The following INCA1 variants were observed in gnomAD, a reference collection of about 807,000 sequenced individuals.
INCA1 encodes the protein protein INCA1.
In INCA1, 28 loss-of-function variants were observed where a neutral mutation model predicts 25.7. That is an observed-to-expected ratio of 1.09 (90% CI 0.81 to 1.49). The LOEUF (loss-of-function observed/expected upper bound fraction) is 1.49, where lower values mean the gene tolerates loss of function less well. Ranked by LOEUF, INCA1 falls within the 40% of genes most tolerant of loss-of-function variation. The pLI is 0.00. For missense variants in INCA1, 309 were observed against 290.9 expected (o/e 1.06, Z -0.45); for synonymous variants, 111 against 103.6 (o/e 1.07, Z -0.43).
intron 2 of INCA1, among the ~76,000 whole-genome samples, chr17:4,992,600 A>AT (rs1973946662): frequency 1.4e-5 from 2 of 140,586 alleles, no homozygotes; most frequent in East Asian, 4.3e-4. Context: ...TGTTTTATTT[A>AT]TTTTTTCTTT....
chr17:4,995,217 A>T (rs535044043), intron 1 of INCA1, among the ~76,000 whole-genome samples: 1 of 152,062 alleles, frequency 6.6e-6, no homozygotes, highest in East Asian at 1.9e-4. Flanking sequence ...AAAAAAAAAA[A>T]GGTATTTGTA....
chr17:4,994,543 G>T, intron 1 of INCA1, 68 bp from the exon 2 acceptor site: 1 of 1,296,350 alleles, frequency 7.7e-7, no homozygotes, highest in Non-Finnish European at 1.1e-6. Context: ...TGTAATCCCA[G>T]TACTTTTGGA....
intron 1 of INCA1, among the ~76,000 whole-genome samples, chr17:4,995,481 A>G (rs985287439): frequency 6.6e-6 from 1 of 152,180 alleles, no homozygotes. Flanking sequence ...CAATGAATCA[A>G]CTATGAGTGG....
At chr17:4,992,547 G>A (rs1973941160) in intron 2 of INCA1, among the ~76,000 whole-genome samples, 2 of 152,046 alleles carry the variant, frequency 1.3e-5, no homozygotes, top group African/African-American at 4.8e-5. Flanking sequence ...GCCTCCCAAA[G>A]TGCTGTAATT....
At chr17:4,997,300 G>A (rs1974361106), upstream of INCA1, among the ~76,000 whole-genome samples, 1 of 152,178 alleles carries the variant, frequency 6.6e-6, no homozygotes, top group South Asian at 2.1e-4. Flanking sequence ...TGAGGTGGTG[G>A]GCCCAGGCTG....
Position 4,988,799 on chromosome 17 carries a change from GA to G in INCA1, c.540del (p.Leu181SerfsTer66). 3 of 1,614,194 alleles carry G rather than the reference GA, an allele frequency of 1.9e-6. No individual in the cohort carries two copies. Among genetic ancestry groups the G allele is most frequent in the Non-Finnish European group, 2.5e-6 (3 of 1,180,030 alleles). On this transcript the variant is annotated frameshift_variant, in exon 6 of 7. Transcript: ENST00000576820. LOFTEE classifies it low-confidence loss of function (END_TRUNC). ...AATACCTGGGCCCTGCCAGGAGTGA[GA>G]AAACGGTCCTCTTCCTGTGGATAGG...
chr17:4,990,087 G>A, intron 3 of INCA1, 65 bp downstream of exon 3: 1 of 1,610,730 alleles, frequency 6.2e-7, no homozygotes, highest in Non-Finnish European at 8.5e-7. Flanking sequence ...TTGCTATATG[G>A]GTTTATGGTA....
At chr17:4,990,001 C>T in intron 3 of INCA1, 72 bp from the exon 4 acceptor site, 1 of 1,612,056 alleles carries the variant, frequency 6.2e-7, no homozygotes, top group Non-Finnish European at 8.5e-7. Context: ...TTAATAATCT[C>T]TCCCGACCTC....
At chr17:4,990,683 A>G (rs1597807515) in intron 2 of INCA1, among the ~76,000 whole-genome samples, 1 of 151,618 alleles carries the variant, frequency 6.6e-6, no homozygotes, top group African/African-American at 2.4e-5. Context: ...GGAGTCCAAG[A>G]CCAGCCTGGC....
intron 2 of INCA1, among the ~76,000 whole-genome samples, chr17:4,991,643 C>T (rs1973883226): frequency 6.6e-6 from 1 of 152,160 alleles, no homozygotes; most frequent in Admixed American, 6.5e-5. Flanking sequence ...TGATCTCACC[C>T]AGTACCATGC....
upstream of INCA1, chr17:4,997,088 G>C (rs1974341459): frequency 6.5e-6 from 1 of 152,816 alleles, no homozygotes; most frequent in Non-Finnish European, 1.5e-5. Context: ...CTGCGCCTGC[G>C]AGGGTGGATG....
rs1221440407 is a variant in INCA1 at position 4,988,886 on chromosome 17, C to T, written c.454G>A (p.Glu152Lys). 9 of 1,614,126 alleles carry T rather than the reference C, an allele frequency of 5.6e-6. No homozygotes were observed. In the Admixed American group the frequency reaches 1.0e-4, roughly 18 times the overall value. ...GTGCTGGGGAATCCACAGCCCTCTT[C>T]GCCAAGCACCACTGGCTCAGATGCA... Residue 152 changes from glutamate (E) to lysine (K), a missense_variant, in exon 6 of 7, where the codon GAA (glutamate) becomes AAA (lysine). By Grantham distance (56) the Glu-to-Lys change is moderately conservative. Coordinates refer to ENST00000576820, the Ensembl canonical transcript of INCA1.
At chr17:4,990,237 G>T in exon 3 of INCA1, 1 of 1,614,048 alleles carries the variant, frequency 6.2e-7, no homozygotes, top group Middle Eastern at 1.6e-4. Flanking sequence ...AACCTTGGGG[G>T]TGGAGATCGG....
intron 4 of INCA1, 69 bp downstream of exon 4, chr17:4,989,821 G>T (rs1973720359): frequency 3.7e-6 from 6 of 1,609,006 alleles, no homozygotes; most frequent in Admixed American, 3.3e-5. Flanking sequence ...AATAAGGAGA[G>T]CTTGGGACAG....
At chr17:4,990,089 T>C (rs1973756733) in intron 3 of INCA1, 63 bp downstream of exon 3, 3 of 1,610,588 alleles carry the variant, frequency 1.9e-6, no homozygotes, top group Non-Finnish European at 2.5e-6. Flanking sequence ...GCTATATGGG[T>C]TTATGGTAGT....
downstream of INCA1, chr17:4,988,154 A>G: frequency 2.6e-6 from 1 of 388,304 alleles, no homozygotes; most frequent in East Asian, 4.2e-5. Flanking sequence ...TTTTAATAAC[A>G]GAGCAGAGAG....
chr17:4,994,849 CAGT>C (rs1974127736), intron 1 of INCA1, among the ~76,000 whole-genome samples: 1 of 148,672 alleles, frequency 6.7e-6, no homozygotes, highest in South Asian at 2.1e-4. Context: ...GGGATGAGGC[CAGT>C]AGCAGATCTA....
chr17:4,990,082 A>C lies in INCA1; in HGVS notation c.158+70T>G, dbSNP rs889236206. Reference sequence around the variant, plus strand: ...TAACCGCAGACTAGGGCCTATTGCTATATGGGTTTATGGTAGTTTAATCCA... The same window carrying C: ...TAACCGCAGACTAGGGCCTATTGCTCTATGGGTTTATGGTAGTTTAATCCA... On this transcript the variant is annotated intron_variant, in intron 3 of 6. Coordinates refer to ENST00000576820, the Ensembl canonical transcript of INCA1. The C allele has an allele frequency of 4.3e-6, 7 of 1,610,338 alleles. No individual in the cohort carries two copies. The African/African-American group carries it at 9.4e-5, about 22-fold the overall frequency.
chr17:4,989,467 T>G (rs759722736), exon 5 of INCA1: 5 of 1,614,140 alleles, frequency 3.1e-6, no homozygotes, highest in Non-Finnish European at 4.2e-6. Flanking sequence ...GTCCTCCAGG[T>G]GGTAAGTGAC....
Sources: gnomAD v4.1 joint callset for allele counts (sites outside exome capture counted in the v4.1 genomes callset) on GRCh38, gnomAD v4.1.1 for gene constraint, MANE v1.5 for transcripts, NCBI Gene and HGNC (gene_info 2026-07-23, HGNC 2026-07-21) for gene names.